Variants in CCDC18 observed in about 807,000 individuals in gnomAD.
CCDC18 encodes coiled-coil domain-containing protein 18.
In CCDC18, 157 loss-of-function variants were observed where a neutral mutation model predicts 196.0. That is an observed-to-expected ratio of 0.80 (90% CI 0.70 to 0.91). The LOEUF (loss-of-function observed/expected upper bound fraction) is 0.91. CCDC18 is among the 40% of genes least tolerant of loss of function. The pLI is 0.00. For synonymous variants in CCDC18, 482 were observed against 529.2 expected (o/e 0.91, Z 1.22); for missense variants, 1,465 against 1,611.6 (o/e 0.91, Z 1.56).
At chr1:93,201,311 G>C (rs1370399989) in intron 6 of CCDC18, among the ~76,000 whole-genome samples, 1 of 152,068 alleles carries the variant, frequency 6.6e-6, no homozygotes, top group African/African-American at 2.4e-5. Context: ...TCAATGTATT[G>C]TGCCCCAAAT....
At chr1:93,251,595 A>G (rs767273897) in intron 23 of CCDC18, among the ~76,000 whole-genome samples, 5 of 152,046 alleles carry the variant, frequency 3.3e-5, no homozygotes, top group South Asian at 2.1e-4. Context: ...TGAGTATGTC[A>G]TCTTACTCCC....
intron 19 of CCDC18, among the ~76,000 whole-genome samples, 172 bp downstream of exon 19, chr1:93,236,562 A>T (rs797672): frequency 0.47 from 71,980 of 152,034 alleles, 20,215 homozygotes; most frequent in African/African-American, 0.79. Context: ...TATGCTTTTT[A>T]CTGTATTACA....
intron 19 of CCDC18, among the ~76,000 whole-genome samples, chr1:93,236,740 C>T (rs1366063791): frequency 1.3e-5 from 2 of 152,068 alleles, no homozygotes; most frequent in Non-Finnish European, 2.9e-5. Flanking sequence ...TGTAAATGTA[C>T]TCACATAGAG....
chr1:93,250,611 A>G (rs1024477595), intron 23 of CCDC18, among the ~76,000 whole-genome samples: 2 of 152,080 alleles, frequency 1.3e-5, no homozygotes, highest in Non-Finnish European at 2.9e-5. Flanking sequence ...CTTGAGATCT[A>G]TTAATGTTTG....
intron 23 of CCDC18, among the ~76,000 whole-genome samples, chr1:93,249,510 G>C (rs761197396): frequency 1.3e-5 from 2 of 152,046 alleles, no homozygotes; most frequent in Non-Finnish European, 2.9e-5. Flanking sequence ...GGGTTTGGCT[G>C]TTGCTATTCC....
intron 14 of CCDC18, among the ~76,000 whole-genome samples, chr1:93,218,526 T>C (rs980436880): frequency 6.6e-6 from 1 of 152,148 alleles, no homozygotes; most frequent in African/African-American, 2.4e-5. Context: ...CTTTTTTTTT[T>C]TGAGATAGAG....
chr1:93,246,875 G>C lies in CCDC18; in HGVS notation c.3119G>C (p.Gly1040Ala), dbSNP rs1429446208. Residue 1040 changes from glycine (G) to alanine (A), a missense_variant, in exon 23 of 29, where the codon GGA (glycine) becomes GCA (alanine). Transcript: ENST00000690025. ...GATATGACTATTCGTGAGCACAGAG[G>C]AGAAATGGAACAAAAAATAATTAAA... is the stretch of plus-strand genomic sequence containing the variant. ...HLDMTIREHR[G>A]EMEQKIIKLE... The C allele has an allele frequency of 1.9e-6, 3 of 1,550,592 alleles. No individual in the cohort carries two copies. The African/African-American group carries it at 4.1e-5, about 21-fold the overall frequency.
At chr1:93,271,601 G>A in intron 28 of CCDC18, 1 of 921,968 alleles carries the variant, frequency 1.1e-6, no homozygotes, top group Non-Finnish European at 1.3e-6. Context: ...CCAGGAGGCT[G>A]AGGCAGGAGG....
chr1:93,261,250 T>G (rs1020343003), intron 26 of CCDC18, among the ~76,000 whole-genome samples: 1 of 152,138 alleles, frequency 6.6e-6, no homozygotes, highest in Non-Finnish European at 1.5e-5. Flanking sequence ...AACTCCTGAC[T>G]TATTGGAGGA....
At position 93,205,560 on chromosome 1, in the gene CCDC18, A is replaced by G. The variant is rs1202599494; in HGVS notation, c.846A>G (p.Lys282=). The G allele has an allele frequency of 1.3e-6, 2 of 1,591,990 alleles. No individual in the cohort carries two copies. Among genetic ancestry groups the G allele is most frequent in the Non-Finnish European group, 1.7e-6 (2 of 1,165,172 alleles). Residue 282 remains lysine, a synonymous_variant, in exon 8 of 29, where the codon AAA becomes AAG. Transcript: ENST00000690025. ...AGAGAAATCTAACTAACTGTGAAAA[A>G]GAAAATAAAAGGCTACAAGAAAGGT... The part of the protein sequence containing the change: ...ILERNLTNCE[K]ENKRLQERCG...
At chr1:93,227,011 A>T (rs1658459330) in intron 17 of CCDC18, among the ~76,000 whole-genome samples, 1 of 152,074 alleles carries the variant, frequency 6.6e-6, no homozygotes, top group African/African-American at 2.4e-5. Flanking sequence ...AGTCATTCTA[A>T]TATAATATTA....
chr1:93,250,394 A>AG (rs1662080024), intron 23 of CCDC18, among the ~76,000 whole-genome samples: 1 of 151,628 alleles, frequency 6.6e-6, no homozygotes, highest in Non-Finnish European at 1.5e-5. Context: ...AAAAAAAAAA[A>AG]AAAGAAAAGA....
Position 93,258,936 on chromosome 1 carries a change from C to T in CCDC18, c.3684+51C>T. The T allele has an allele frequency of 2.0e-6, 3 of 1,483,578 alleles. No homozygotes were observed. The South Asian group carries it at 4.1e-5, about 20-fold the overall frequency. 91.9% of individuals were successfully genotyped at this position (1,483,578 alleles called of 1,614,324 possible). A position where few individuals can be genotyped will look rare whatever the true frequency, so the allele number is the denominator to read the frequency against. Reference sequence around the variant, plus strand: ...TTAGTGCCCACTAAAGTAGGTTGACCTATCTGGACAAAAGTATGAGTCCAG... The same window carrying T: ...TTAGTGCCCACTAAAGTAGGTTGACTTATCTGGACAAAAGTATGAGTCCAG... On this transcript the variant is annotated intron_variant, in intron 26 of 28. Transcript: ENST00000690025.
chr1:93,257,466 T>C (rs1663164886), intron 25 of CCDC18, among the ~76,000 whole-genome samples: 1 of 151,908 alleles, frequency 6.6e-6, no homozygotes, highest in African/African-American at 2.4e-5. Flanking sequence ...GTTAATTATT[T>C]AGACTTTAAG....
intron 13 of CCDC18, 59 bp downstream of exon 13, chr1:93,216,805 C>T (rs2102100742): frequency 1.3e-6 from 1 of 799,458 alleles, no homozygotes; most frequent in Non-Finnish European, 2.1e-6. Context: ...TAATTTGTGA[C>T]AGCACATTTG....
chr1:93,203,467 A>G (rs1320092008), intron 7 of CCDC18, among the ~76,000 whole-genome samples: 1 of 152,188 alleles, frequency 6.6e-6, no homozygotes, highest in Admixed American at 6.5e-5. Flanking sequence ...AGCCTTGGAC[A>G]TTGACAGAGT....
intron 16 of CCDC18, among the ~76,000 whole-genome samples, chr1:93,225,969 C>T (rs868100055): frequency 1.3e-5 from 2 of 152,086 alleles, no homozygotes; most frequent in Non-Finnish European, 2.9e-5. Context: ...AATTGTGGCT[C>T]CCAAATAACC....
At chr1:93,201,088 C>T (rs1248763641) in intron 6 of CCDC18, among the ~76,000 whole-genome samples, 1 of 152,128 alleles carries the variant, frequency 6.6e-6, no homozygotes, top group Non-Finnish European at 1.5e-5. Context: ...CTTGTTTATA[C>T]TTGTGGCAAA....
chr1:93,248,340 G>T (rs1661775677), intron 23 of CCDC18, among the ~76,000 whole-genome samples: 1 of 151,960 alleles, frequency 6.6e-6, no homozygotes, highest in Non-Finnish European at 1.5e-5. Flanking sequence ...TACCCAATTT[G>T]TTGAGAGCTT....
Sources: allele counts gnomAD v4.1 joint callset (sites outside exome capture counted in the v4.1 genomes callset), GRCh38; gene constraint gnomAD v4.1.1; transcripts MANE v1.5; gene names NCBI Gene and HGNC (gene_info 2026-07-23, HGNC 2026-07-21).